INSL6: variants seen among roughly 807,000 people sequenced by gnomAD.
The protein encoded by INSL6 is insulin like 6.
A neutral mutation model predicts 9.4 loss-of-function variants in INSL6; 16 were observed. That is an observed-to-expected ratio of 1.70 (90% CI 1.15 to 2.59). INSL6 has a LOEUF of 2.59. Among genes scored for constraint, INSL6 ranks in the 30% most tolerant of loss-of-function variants. The pLI is 0.00. For synonymous variants in INSL6, 154 were observed against 96.9 expected, an observed-to-expected ratio of 1.59 and a Z score of -3.46; for missense variants, 391 against 257.3, an observed-to-expected ratio of 1.52 and a Z score of -3.56.
intron 1 of INSL6, 98 bp from the exon 2 acceptor site, chr9:5,164,363 C>A: frequency 1.4e-6 from 1 of 727,658 alleles, no homozygotes; most frequent in Non-Finnish European, 2.3e-6. Context: ...TATTAAAAAA[C>A]AAGTAATCAC....
chr9:5,022,054 G>A, the INSL6 span: 1 of 1,613,972 alleles, frequency 6.2e-7, no homozygotes, highest in South Asian at 1.1e-5. Context: ...ATATCAGAAT[G>A]GTGATATTTC....
At chr9:5,150,016 A>T (rs1199296296) in intron 2 of INSL6, among the ~76,000 whole-genome samples, 1 of 152,224 alleles carries the variant, frequency 6.6e-6, no homozygotes, top group Non-Finnish European at 1.5e-5. Flanking sequence ...CTAGTTTAAA[A>T]ATGGTGCTAG....
At chr9:5,111,724 G>C in the INSL6 span, 4 of 433,240 alleles carry the variant, frequency 9.2e-6, no homozygotes, top group Non-Finnish European at 1.8e-5. Context: ...ACCAGCACGA[G>C]CGCGTGGGCT....
intron 2 of INSL6, among the ~76,000 whole-genome samples, chr9:5,151,989 T>C (rs952379317): frequency 2.0e-5 from 3 of 152,166 alleles, no homozygotes; most frequent in Admixed American, 2.0e-4. Flanking sequence ...GCTGGAATAT[T>C]AGCAGTGATA....
At chr9:5,085,684 T>A in the INSL6 span, 2 of 739,350 alleles carry the variant, frequency 2.7e-6, no homozygotes. Flanking sequence ...GCATTATCAA[T>A]AACGTCATCG....
chr9:5,051,258 A>AAT, the INSL6 span, among the ~76,000 whole-genome samples: 1 of 152,202 alleles, frequency 6.6e-6, no homozygotes, highest in Non-Finnish European at 1.5e-5. Context: ...ATAGGTATTA[A>AAT]ATATCTATTA....
At chr9:5,070,681 C>A in the INSL6 span, among the ~76,000 whole-genome samples, 1 of 151,916 alleles carries the variant, frequency 6.6e-6, no homozygotes, top group African/African-American at 2.4e-5. Flanking sequence ...AGATGCAGAA[C>A]CCGCCCTGCC....
At chr9:5,117,112 G>C in the INSL6 span, among the ~76,000 whole-genome samples, 30 of 152,306 alleles carry the variant, frequency 2.0e-4, no homozygotes, top group African/African-American at 6.3e-4. Context: ...GTGGCAACAA[G>C]GCTCCCCTTG....
chr9:5,049,793 G>C, the INSL6 span, among the ~76,000 whole-genome samples: 5 of 152,260 alleles, frequency 3.3e-5, no homozygotes, highest in African/African-American at 1.2e-4. Context: ...TTATAGCCTA[G>C]TATATGCCTA....
At chr9:5,029,471 T>C in the INSL6 span, among the ~76,000 whole-genome samples, 1 of 152,090 alleles carries the variant, frequency 6.6e-6, no homozygotes, top group Non-Finnish European at 1.5e-5. Flanking sequence ...GCACGTGCTG[T>C]TGGAAAAATG....
At chr9:5,098,853 C>G in the INSL6 span, 1 of 152,204 alleles carries the variant, frequency 6.6e-6, no homozygotes, top group Admixed American at 6.6e-5. Context: ...GCCACCATGC[C>G]TGGGTAATTT....
chr9:5,091,536 G>C, the INSL6 span: 1 of 152,056 alleles, frequency 6.6e-6, no homozygotes, highest in African/African-American at 2.4e-5. Flanking sequence ...AATTATGGGT[G>C]TTGGTTGGTG....
chr9:5,078,191 TTATTATACTATCA>T, the INSL6 span: 1 of 812,094 alleles, frequency 1.2e-6, no homozygotes, highest in Non-Finnish European at 1.9e-6. Context: ...TGCCTCCAAA[TTATTATACTATCA>T]TGTATTTTTC....
chr9:5,079,129 T>C, the INSL6 span, among the ~76,000 whole-genome samples: 1 of 152,190 alleles, frequency 6.6e-6, no homozygotes, highest in African/African-American at 2.4e-5. Context: ...GTGAAGACAG[T>C]GATAACTGGG....
chr9:5,001,146 TA>T, the INSL6 span, among the ~76,000 whole-genome samples: 4 of 152,204 alleles, frequency 2.6e-5, no homozygotes, highest in Non-Finnish European at 5.9e-5. Context: ...TGTCTGCAAA[TA>T]AAAAGTTTTA....
chr9:5,080,175 A>C, the INSL6 span: 2 of 1,303,204 alleles, frequency 1.5e-6, no homozygotes, highest in Non-Finnish European at 2.1e-6. Flanking sequence ...TACATATAAA[A>C]GATTGGTTTA....
At chr9:5,062,500 T>TAAAAAAAAAAAAAAAAAAAA in the INSL6 span, among the ~76,000 whole-genome samples, 22 of 58,240 alleles carry the variant, frequency 3.8e-4, 6 homozygotes, top group African/African-American at 2.2e-3. Context: ...CTTCCATTTG[T>TAAAAAAAAAAAAAAAAAAAA]AAAAAAAAAA....
chr9:5,150,175 A>G (rs1334045272), intron 2 of INSL6, among the ~76,000 whole-genome samples: 6 of 152,230 alleles, frequency 3.9e-5, no homozygotes, highest in Admixed American at 3.9e-4. Flanking sequence ...ACTTTTCTGG[A>G]CATAGGTTTA....
At chr9:4,996,745 A>C in the INSL6 span, among the ~76,000 whole-genome samples, 1 of 152,118 alleles carries the variant, frequency 6.6e-6, no homozygotes, top group South Asian at 2.1e-4. Context: ...GTATTCTGCG[A>C]TAATTGGATT....
Sources: gnomAD v4.1 joint callset for allele counts (sites outside exome capture counted in the v4.1 genomes callset) on GRCh38, gnomAD v4.1.1 for gene constraint, MANE v1.5 for transcripts, NCBI Gene and HGNC (gene_info 2026-07-23, HGNC 2026-07-21) for gene names.